Variants in NIPSNAP2 observed in about 807,000 individuals in gnomAD.
The protein encoded by NIPSNAP2 is protein NipSnap homolog 2.
NIPSNAP2 carries 42 observed loss-of-function variants against 48.4 expected under a neutral mutation model. That is an observed-to-expected ratio of 0.87 (90% confidence interval 0.68 to 1.12). NIPSNAP2 has a LOEUF of 1.12. Among genes scored for constraint, NIPSNAP2 ranks in the 50% most tolerant of loss-of-function variants. The pLI, the probability that NIPSNAP2 is intolerant of heterozygous loss-of-function variation, is 0.00. For synonymous variants in NIPSNAP2, 158 were observed against 126.6 expected (o/e 1.25, Z -1.67); for missense variants, 314 against 347.3 (o/e 0.90, Z 0.76).
chr7:55,984,632 T>C (rs1322175980), intron 6 of NIPSNAP2, among the ~76,000 whole-genome samples: 2 of 151,232 alleles, frequency 1.3e-5, no homozygotes, highest in African/African-American at 4.9e-5. Context: ...GGCAGGAGAA[T>C]TGCTTGAACC....
intron 6 of NIPSNAP2, 112 bp downstream of exon 6, chr7:55,983,980 T>TATATGTATAC (rs1787275477): frequency 2.3e-5 from 11 of 488,236 alleles, no homozygotes; most frequent in Non-Finnish European, 2.9e-5. Context: ...TGTCTAGCAT[T>TATATGTATAC]ATATGTATAT....
In NIPSNAP2 at chr7:55,984,796, A is replaced by G. The variant is rs376209888; in HGVS notation, c.586-51A>G. 3 of 1,352,612 alleles carry G rather than the reference A, an allele frequency of 2.2e-6. No homozygotes were observed. The African/African-American group carries it at 4.5e-5, about 20-fold the overall frequency. 83.8% of individuals were successfully genotyped at this position (1,352,612 alleles called of 1,614,324 possible). ...TTCTACTGCTGTTTGCTATTTCTGT[A>G]TTTTTTTTTTCACAGAAGAACTAAC... On this transcript the variant is annotated intron_variant, in intron 6 of 9. Transcript: ENST00000322090.
chr7:55,966,562 C>A (rs1019529572), intron 1 of NIPSNAP2, among the ~76,000 whole-genome samples: 1 of 152,100 alleles, frequency 6.6e-6, no homozygotes, highest in Non-Finnish European at 1.5e-5. Flanking sequence ...CTGGGCTGAT[C>A]GCTTGAGCTC....
chr7:55,970,115 T>G (rs1338453931), intron 1 of NIPSNAP2, among the ~76,000 whole-genome samples: 1 of 151,958 alleles, frequency 6.6e-6, no homozygotes, highest in Non-Finnish European at 1.5e-5. Context: ...CTCACAAGCT[T>G]CTTCTGAATG....
Position 55,964,699 on chromosome 7 carries a change from C to G in NIPSNAP2, c.90C>G (p.Leu30=), listed in dbSNP as rs1786853548. Residue 30 remains leucine (L), a splice_region_variant and synonymous_variant, in exon 1 of 10, where the codon CTC becomes CTG. Coordinates refer to ENST00000322090, the MANE Select transcript of NIPSNAP2 (RefSeq NM_001483.3). Reference sequence around the variant, plus strand: ...CCCCCTGCAGCCTCCTGCCCAGGCTCCGGTGAGCAGCGCCGCCCTTCCCGG... The same window carrying G: ...CCCCCTGCAGCCTCCTGCCCAGGCTGCGGTGAGCAGCGCCGCCCTTCCCGG... The part of the protein sequence containing the change: ...RAAPCSLLPR[L]RTWTSSSNRS... 1.8e-6 allele frequency: 2 copies of G among 1,122,334 alleles called. No individual in the cohort carries two copies. The highest frequency in any genetic ancestry group is 2.2e-6 in the Non-Finnish European group (2 of 917,794). The allele number at this position is 1,122,334 out of a possible 1,614,324, so 69.5% of individuals were successfully genotyped here. A position where few individuals can be genotyped will look rare whatever the true frequency, so the allele number is the denominator to read the frequency against.
intron 1 of NIPSNAP2, among the ~76,000 whole-genome samples, chr7:55,977,068 G>C (rs1040039733): frequency 3.4e-5 from 5 of 148,018 alleles, no homozygotes; most frequent in Admixed American, 7.0e-5. Flanking sequence ...AAAAATTTTT[G>C]ATTTTTAAAG....
chr7:55,974,807 C>T (rs555912531), intron 1 of NIPSNAP2, among the ~76,000 whole-genome samples: 18 of 148,292 alleles, frequency 1.2e-4, no homozygotes, highest in East Asian at 9.9e-4. Context: ...AAGATCATGC[C>T]GCTGTACTCC....
At chr7:55,998,983 G>T in intron 9 of NIPSNAP2, 25 bp from the exon 10 acceptor site, 1 of 1,593,810 alleles carries the variant, frequency 6.3e-7, no homozygotes. Flanking sequence ...AGTAACAAGT[G>T]CAGTAACCCT....
At chr7:55,981,769 A>G (rs1310764152) in intron 4 of NIPSNAP2, 3 of 506,480 alleles carry the variant, frequency 5.9e-6, no homozygotes, top group Non-Finnish European at 7.0e-6. Context: ...TTATTGAACC[A>G]TTATGATGTA....
chr7:55,976,888 C>A (rs1787117323), intron 1 of NIPSNAP2, among the ~76,000 whole-genome samples: 4 of 151,760 alleles, frequency 2.6e-5, no homozygotes, highest in Admixed American at 2.6e-4. Flanking sequence ...GGGCAAGACC[C>A]AGTCTCAAAA....
intron 7 of NIPSNAP2, chr7:55,991,765 A>ATATAT (rs752019855): frequency 7.2e-4 from 108 of 150,008 alleles, no homozygotes; most frequent in South Asian, 3.4e-3. Flanking sequence ...AAAAAAAAAA[A>ATATAT]ATATATATAT....
intron 7 of NIPSNAP2, among the ~76,000 whole-genome samples, chr7:55,994,447 T>G (rs929061411): frequency 6.6e-6 from 1 of 152,246 alleles, no homozygotes; most frequent in African/African-American, 2.4e-5. Context: ...GTGTGGTGGC[T>G]CACGCCTATA....
intron 7 of NIPSNAP2, among the ~76,000 whole-genome samples, chr7:55,985,353 C>T (rs536669809): frequency 1.3e-4 from 19 of 151,912 alleles, no homozygotes; most frequent in Non-Finnish European, 5.9e-5. Context: ...TTTTTCCTTG[C>T]TAGTTTGAGT....
chr7:55,986,983 T>TAAAAAAA (rs71561981), intron 7 of NIPSNAP2, among the ~76,000 whole-genome samples: 1 of 54,800 alleles, frequency 1.8e-5, no homozygotes, highest in Admixed American at 2.4e-4. Context: ...CCTGTCTCTA[T>TAAAAAAA]AAAAAAAAAA....
intron 1 of NIPSNAP2, among the ~76,000 whole-genome samples, chr7:55,968,794 GGCTCACGGATCACATGAGGCCAGAA>G (rs1786952111): frequency 6.6e-6 from 1 of 152,146 alleles, no homozygotes; most frequent in Non-Finnish European, 1.5e-5. Flanking sequence ...AGGAGGCCAA[GGCTCACGGATCACATGAGGCCAGAA>G]GCTCAAGACC....
At chr7:55,990,563 T>G (rs1329147876) in intron 7 of NIPSNAP2, among the ~76,000 whole-genome samples, 4 of 152,006 alleles carry the variant, frequency 2.6e-5, no homozygotes, top group Non-Finnish European at 5.9e-5. Flanking sequence ...ATGTGTGTGT[T>G]TATTTCTTTG....
chr7:55,988,091 A>G (rs914709487), intron 7 of NIPSNAP2, among the ~76,000 whole-genome samples: 1 of 152,028 alleles, frequency 6.6e-6, no homozygotes, highest in African/African-American at 2.4e-5. Context: ...GTGAAACCCC[A>G]TCTCTACAAA....
chr7:55,965,054 G>T (rs1786862700), intron 1 of NIPSNAP2: 1 of 154,828 alleles, frequency 6.5e-6, no homozygotes, highest in Non-Finnish European at 1.4e-5. Context: ...GCCTGAGGCC[G>T]CAGGCCCCGG....
chr7:55,991,866 T>C (rs1359030679), intron 7 of NIPSNAP2: 1 of 246,918 alleles, frequency 4.0e-6, no homozygotes, highest in South Asian at 5.0e-5. Context: ...TACAGGCTTC[T>C]GATTGTTACC....
Sources: allele counts gnomAD v4.1 joint callset (sites outside exome capture counted in the v4.1 genomes callset), GRCh38; gene constraint gnomAD v4.1.1; transcripts MANE v1.5; gene names NCBI Gene and HGNC (gene_info 2026-07-23, HGNC 2026-07-21).